The following AUTS2 variants were observed in gnomAD, a reference collection of about 807,000 sequenced individuals.
AUTS2 encodes the protein autism susceptibility gene 2 protein.
In AUTS2, 17 loss-of-function variants were observed where a neutral mutation model predicts 112.4. The ratio of observed to expected loss-of-function variants is 0.15; its 90% CI spans 0.10 to 0.23. The LOEUF (loss-of-function observed/expected upper bound fraction) is 0.23. Ranked by LOEUF, AUTS2 falls within the 10% of genes least tolerant of loss-of-function variation. AUTS2 has a pLI of 1.00. For missense variants in AUTS2, 1,510 were observed against 1,701.6 expected, an observed-to-expected ratio of 0.89 and a Z score of 1.98; for synonymous variants, 751 against 702.7, an observed-to-expected ratio of 1.07 and a Z score of -1.09.
rs565669723 is a variant in AUTS2 at position 70,422,337 on chromosome 7, C to G, written c.661-13415C>G. 3.3e-5 allele frequency among the ~76,000 whole-genome samples: 5 copies of G among 152,310 alleles called. No individual in the cohort carries two copies. In the East Asian group the frequency reaches 7.7e-4, roughly 23 times the overall value. On this transcript the variant is annotated intron_variant, in intron 4 of 18. Coordinates refer to ENST00000342771, the MANE Select transcript of AUTS2 (RefSeq NM_015570.4). ...CTCTTCCTGCTCAATTCCAGTTGCT[C>G]TAGTTGGCTTGAAGTGAATCAAATG...
At chr7:69,649,183 A>C (rs914343840) in intron 1 of AUTS2, among the ~76,000 whole-genome samples, 2 of 152,160 alleles carry the variant, frequency 1.3e-5, no homozygotes, top group Non-Finnish European at 2.9e-5. Flanking sequence ...TCGGACCTGT[A>C]GATACCTTGG....
intron 4 of AUTS2, among the ~76,000 whole-genome samples, chr7:70,271,648 T>A (rs1787698609): frequency 6.6e-6 from 1 of 152,236 alleles, no homozygotes; most frequent in African/African-American, 2.4e-5. Flanking sequence ...GTGGCTTTAA[T>A]ATCAGCTGCT....
At chr7:69,627,980 A>G (rs918598955) in intron 1 of AUTS2, among the ~76,000 whole-genome samples, 10 of 152,170 alleles carry the variant, frequency 6.6e-5, no homozygotes, top group African/African-American at 2.2e-4. Flanking sequence ...GGGAGATTGC[A>G]TTTGATTGAA....
rs1810457150 is a variant in AUTS2 at position 70,204,267 on chromosome 7, A to G, written c.660+69696A>G. Among the ~76,000 whole-genome samples, 3 of 152,288 alleles carry G rather than the reference A, an allele frequency of 2.0e-5. No homozygotes were observed. In the South Asian group the frequency reaches 6.2e-4, roughly 32 times the overall value. On this transcript the variant is annotated intron_variant, in intron 4 of 18. Transcript: ENST00000342771. ...AATATATATTCAGTATTTTAACCAG[A>G]GTTCTCACTGCTGTGTTCCCACATT...
intron 1 of AUTS2, among the ~76,000 whole-genome samples, chr7:69,783,803 G>C (rs535360247): frequency 1.4e-4 from 21 of 152,260 alleles, no homozygotes; most frequent in African/African-American, 5.1e-4. Flanking sequence ...TTTAAGAACG[G>C]ACTGTTTTTG....
intron 2 of AUTS2, among the ~76,000 whole-genome samples, chr7:69,981,460 C>T (rs2129550245): frequency 6.6e-6 from 1 of 152,090 alleles, no homozygotes; most frequent in South Asian, 2.1e-4. Context: ...AATTTTTATT[C>T]AATATTTCAA....
intron 5 of AUTS2, among the ~76,000 whole-genome samples, chr7:70,573,509 T>A (rs1303839701): frequency 6.6e-6 from 1 of 152,246 alleles, no homozygotes; most frequent in Non-Finnish European, 1.5e-5. Flanking sequence ...AGGGCTTTGC[T>A]AAGACTTTCA....
rs560616701 is a variant in AUTS2 at position 70,606,547 on chromosome 7, A to G, written c.691-92022A>G. Among the ~76,000 whole-genome samples, 7 of 152,212 alleles carry G rather than the reference A, an allele frequency of 4.6e-5. No homozygotes were observed. In the East Asian group the frequency reaches 1.4e-3, roughly 30 times the overall value. On this transcript the variant is annotated intron_variant, in intron 5 of 18. Transcript: ENST00000342771. ...TAGTGCAGCGCCCATAAGCTTTTCA[A>G]AATCTTCAATTACTGTAATAGTGTT...
intron 1 of AUTS2, chr7:69,643,493 AC>A (rs1325827140): frequency 6.6e-6 from 1 of 151,800 alleles, no homozygotes; most frequent in East Asian, 1.9e-4. Flanking sequence ...CTCAATAAAC[AC>A]TGATTGACAG....
rs2178045 is a variant in AUTS2 at position 70,766,663 on chromosome 7, A to G, written c.1689+329A>G. Reference sequence around the variant, plus strand: ...TTGAACTTCCCGGGGGACTGTCACCAGGCAGAAAATGCACCTGCTTGTGCT... The same window carrying G: ...TTGAACTTCCCGGGGGACTGTCACCGGGCAGAAAATGCACCTGCTTGTGCT... On this transcript the variant is annotated intron_variant, in intron 9 of 18. Coordinates refer to ENST00000342771, the MANE Select transcript of AUTS2 (RefSeq NM_015570.4). The surrounding 1 kb of genome is among the most constrained non-coding windows in gnomAD (Gnocchi z 4.8). 0.89 allele frequency among the ~76,000 whole-genome samples: 135,349 copies of G among 152,222 alleles called. 60,223 individuals carry two copies. The highest frequency in any genetic ancestry group is 0.92 in the Middle Eastern group (270 of 294).
In AUTS2 at chr7:70,791,907, G is replaced by GGGAC. The variant is rs1287699885; in HGVS notation, c.*914_*917dup. ...GGGATTTGCCAGATGCCAAAATCAGGGGACGGGTGGTGGTGTCTGTCAGAC... is the reference window on the plus strand; with the variant it reads ...GGGATTTGCCAGATGCCAAAATCAGGGGACGGACGGGTGGTGGTGTCTGTCAGAC... On this transcript the variant is annotated 3_prime_UTR_variant, in exon 19 of 19. Transcript: ENST00000342771. The GGGAC allele has an allele frequency of 6.6e-6, 1 of 152,170 alleles. No homozygotes were observed. Among genetic ancestry groups the GGGAC allele is most frequent in the Non-Finnish European group, 1.5e-5 (1 of 67,984 alleles). 9.4% of individuals were successfully genotyped at this position (152,170 alleles called of 1,614,324 possible).
At chr7:70,289,701 G>T (rs1027123128) in intron 4 of AUTS2, among the ~76,000 whole-genome samples, 7 of 152,098 alleles carry the variant, frequency 4.6e-5, no homozygotes, top group African/African-American at 1.7e-4. Flanking sequence ...GGAGTGTTGA[G>T]GATTAGATGA....
intron 4 of AUTS2, among the ~76,000 whole-genome samples, chr7:70,285,167 A>G (rs942076009): frequency 4.6e-5 from 7 of 152,126 alleles, no homozygotes; most frequent in Admixed American, 6.5e-5. Flanking sequence ...AGAAGCTCTT[A>G]ACATTTGAGT....
intron 2 of AUTS2, among the ~76,000 whole-genome samples, chr7:69,940,047 T>G (rs73429456): frequency 0.01 from 1,573 of 152,330 alleles, 39 homozygotes; most frequent in African/African-American, 0.036. Context: ...CCATTTTAAT[T>G]CTTAGAACAA....
At chr7:69,660,149 T>G (rs1395663948) in intron 1 of AUTS2, among the ~76,000 whole-genome samples, 1 of 152,166 alleles carries the variant, frequency 6.6e-6, no homozygotes, top group African/African-American at 2.4e-5. Flanking sequence ...TCCACATTCT[T>G]TGGGTTTGTT....
rs185284950 is a variant in AUTS2, at chr7:70,397,060, T to C, written c.661-38692T>C. Among the ~76,000 whole-genome samples the C allele has an allele frequency of 5.3e-3, 764 of 144,416 alleles. 9 individuals are homozygous for C. The highest frequency in any genetic ancestry group is 0.025 in the Admixed American group (367 of 14,624). 94.7% of individuals were successfully genotyped at this position (144,416 alleles called of 152,430 possible). A position where few individuals can be genotyped will look rare whatever the true frequency, so the allele number is the denominator to read the frequency against. ...GTATGTCTTTTCATTTTAGCCATTC[T>C]TTTATTATTTTTTTTTTTTTGAGAT... On this transcript the variant is annotated intron_variant, in intron 4 of 18. Transcript: ENST00000342771.
chr7:69,767,744 A>G (rs557682928), intron 1 of AUTS2, among the ~76,000 whole-genome samples: 6 of 152,308 alleles, frequency 3.9e-5, no homozygotes, highest in South Asian at 4.1e-4. Context: ...ATCCTCTCCA[A>G]TACCTTACCT....
intron 2 of AUTS2, among the ~76,000 whole-genome samples, chr7:70,025,290 C>T (rs1167012994): frequency 6.6e-6 from 1 of 152,030 alleles, no homozygotes; most frequent in Non-Finnish European, 1.5e-5. Flanking sequence ...TTTATTTAGC[C>T]ATGTAGAGCT....
At chr7:70,763,398 G>T (rs1789703982) in intron 7 of AUTS2, 57 bp downstream of exon 7, 2 of 1,320,364 alleles carry the variant, frequency 1.5e-6, no homozygotes, top group East Asian at 2.3e-5. Flanking sequence ...GGATCAGGTG[G>T]GTGGGAGTCG....
Sources: gnomAD v4.1 joint callset for allele counts (sites outside exome capture counted in the v4.1 genomes callset) on GRCh38, gnomAD v4.1.1 for gene constraint, Gnocchi (gnomAD v3.1) non-coding constraint, MANE v1.5 for transcripts, NCBI Gene and HGNC (gene_info 2026-07-23, HGNC 2026-07-21) for gene names.